Variants in COL23A1 observed in about 807,000 individuals in gnomAD.
COL23A1 encodes the protein collagen type XXIII alpha 1 chain, also known as collagen alpha-1(XXIII) chain.
Under a neutral mutation model 99.3 loss-of-function variants are expected in COL23A1, and 97 were observed. The ratio of observed to expected loss-of-function variants is 0.98; its 90% confidence interval spans 0.83 to 1.16. The LOEUF is 1.16. Among genes scored for constraint, COL23A1 ranks in the 50% most tolerant of loss-of-function variants. The pLI is 0.00. For synonymous variants in COL23A1, 320 were observed against 308.2 expected, an observed-to-expected ratio of 1.04 and a Z score of -0.40; for missense variants, 762 against 757.4, an observed-to-expected ratio of 1.01 and a Z score of -0.07.
chr5:178,323,338 G>GA (rs1055685557), intron 2 of COL23A1, among the ~76,000 whole-genome samples: 1 of 152,132 alleles, frequency 6.6e-6, no homozygotes, highest in Non-Finnish European at 1.5e-5. Flanking sequence ...TGTGGTAACT[G>GA]ATCTCCCTGC....
chr5:178,550,055 C>T (rs1055892983), intron 2 of COL23A1, among the ~76,000 whole-genome samples: 1 of 152,168 alleles, frequency 6.6e-6, no homozygotes, highest in Non-Finnish European at 1.5e-5. Flanking sequence ...AGACTCCATT[C>T]TTGCTTCTAG....
intron 2 of COL23A1, among the ~76,000 whole-genome samples, chr5:178,456,685 C>T (rs564226649): frequency 6.4e-4 from 97 of 151,904 alleles, no homozygotes; most frequent in South Asian, 1.0e-3. Flanking sequence ...GCAACAAGAG[C>T]GAAACTCCAT....
chr5:178,270,244 T>C (rs1367491262), intron 6 of COL23A1, 93 bp downstream of exon 6: 16 of 1,467,080 alleles, frequency 1.1e-5, no homozygotes, highest in Non-Finnish European at 1.4e-5. Flanking sequence ...CAAGTTCCAG[T>C]GGCTGCTTCC....
At chr5:178,520,779 G>A (rs770927839) in intron 2 of COL23A1, among the ~76,000 whole-genome samples, 2 of 152,134 alleles carry the variant, frequency 1.3e-5, no homozygotes, top group African/African-American at 2.4e-5. Context: ...CTCTGTGCAC[G>A]ACCCCAGCAT....
At chr5:178,249,683 A>AACACACACACACACAC (rs746295532) in intron 18 of COL23A1, among the ~76,000 whole-genome samples, 6 of 118,380 alleles carry the variant, frequency 5.1e-5, no homozygotes, top group African/African-American at 1.7e-4. Flanking sequence ...TGTATAGGAT[A>AACACACACACACACAC]ACACACACAC....
chr5:178,568,801 TCTACA>T (rs2113635620), intron 1 of COL23A1, among the ~76,000 whole-genome samples: 1 of 152,364 alleles, frequency 6.6e-6, no homozygotes, highest in Non-Finnish European at 1.5e-5. Flanking sequence ...TTGCATGGTG[TCTACA>T]CTACCATTTG....
At chr5:178,371,514 A>C (rs1762800658) in intron 2 of COL23A1, among the ~76,000 whole-genome samples, 1 of 152,148 alleles carries the variant, frequency 6.6e-6, no homozygotes, top group Admixed American at 6.5e-5. Flanking sequence ...TGGCTGAGCT[A>C]CCTGACCTTG....
At chr5:178,371,161 AAATAAATACAT>A (rs1381816180) in intron 2 of COL23A1, among the ~76,000 whole-genome samples, 1 of 152,238 alleles carries the variant, frequency 6.6e-6, no homozygotes, top group Non-Finnish European at 1.5e-5. Context: ...TGTCAATTAA[AAATAAATACAT>A]AATAAATACA....
intron 2 of COL23A1, among the ~76,000 whole-genome samples, chr5:178,356,210 GGGA>G (rs1240070204): frequency 1.3e-5 from 2 of 152,126 alleles, no homozygotes; most frequent in African/African-American, 4.8e-5. Context: ...GGTTGCGGAG[GGGA>G]GGAGGACAGC....
At chr5:178,269,550 TCATC>T (rs57845966) in intron 6 of COL23A1, among the ~76,000 whole-genome samples, 28 of 60,810 alleles carry the variant, frequency 4.6e-4, no homozygotes, top group East Asian at 4.2e-3. Flanking sequence ...CACCCATCCA[TCATC>T]CATCCATCCA....
intron 2 of COL23A1, among the ~76,000 whole-genome samples, chr5:178,548,738 G>GTTCCC (rs1353082288): frequency 1.3e-5 from 2 of 152,014 alleles, no homozygotes; most frequent in Non-Finnish European, 2.9e-5. Flanking sequence ...TGTATTTGTT[G>GTTCCC]TATGTGTTGA....
chr5:178,303,881 G>C (rs1758201782), intron 3 of COL23A1, among the ~76,000 whole-genome samples: 1 of 152,238 alleles, frequency 6.6e-6, no homozygotes, highest in South Asian at 2.1e-4. Flanking sequence ...GAGATGGAGG[G>C]AGGTGTCCAG....
Position 178,434,114 on chromosome 5 carries a change from C to G in COL23A1, c.361+126568G>C, listed in dbSNP as rs1766417485. Among the ~76,000 whole-genome samples, 1 of 152,230 alleles carries G rather than the reference C, an allele frequency of 6.6e-6. No homozygotes were observed. Among genetic ancestry groups the G allele is most frequent in the Admixed American group, 6.5e-5 (1 of 15,290 alleles). ...CAACTGGTACTTTGTTATGGCAGCG[C>G]ACACACTCACACACCCTCCCAATGC... On this transcript the variant is annotated intron_variant, in intron 2 of 28. Coordinates refer to ENST00000390654, the MANE Select transcript of COL23A1 (RefSeq NM_173465.4). This position sits in a 1 kb window ranked among gnomAD's most constrained non-coding sequence, Gnocchi z 4.3.
chr5:178,403,135 A>AAAAAAAAT (rs1194397278), intron 2 of COL23A1, among the ~76,000 whole-genome samples: 2 of 137,286 alleles, frequency 1.5e-5, no homozygotes, highest in African/African-American at 6.7e-5. Context: ...AATAAATAAA[A>AAAAAAAAT]AATAAATACC....
intron 1 of COL23A1, among the ~76,000 whole-genome samples, chr5:178,568,028 T>C (rs1264525353): frequency 6.6e-6 from 1 of 152,230 alleles, no homozygotes. Flanking sequence ...AAGGTTCATG[T>C]CACAGGAATA....
At chr5:178,257,427 C>G in intron 13 of COL23A1, 96 bp downstream of exon 13, 1 of 1,417,058 alleles carries the variant, frequency 7.1e-7, no homozygotes, top group East Asian at 2.5e-5. Context: ...CCTAGGAACC[C>G]GTGGTGCCAA....
intron 1 of COL23A1, among the ~76,000 whole-genome samples, chr5:178,584,044 G>C (rs1278171859): frequency 6.6e-6 from 1 of 151,742 alleles, no homozygotes. Flanking sequence ...TATTTTTTTT[G>C]AGATGTACTC....
At chr5:178,337,861 A>G (rs1402830391) in intron 2 of COL23A1, among the ~76,000 whole-genome samples, 2 of 152,366 alleles carry the variant, frequency 1.3e-5, no homozygotes, top group East Asian at 3.9e-4. Flanking sequence ...ATTATATTTT[A>G]TGATATTATA....
intron 3 of COL23A1, among the ~76,000 whole-genome samples, chr5:178,303,279 T>C (rs1758171888): frequency 6.6e-6 from 1 of 152,170 alleles, no homozygotes; most frequent in Non-Finnish European, 1.5e-5. Context: ...GGATTACATG[T>C]GTGTGCCATG....
Sources: gnomAD v4.1 joint callset for allele counts (sites outside exome capture counted in the v4.1 genomes callset) on GRCh38, gnomAD v4.1.1 for gene constraint, Gnocchi (gnomAD v3.1) non-coding constraint, MANE v1.5 for transcripts, NCBI Gene and HGNC (gene_info 2026-07-23, HGNC 2026-07-21) for gene names.